The following NCOA4 variants were observed in gnomAD, a reference collection of about 807,000 sequenced individuals.
NCOA4 encodes nuclear receptor coactivator 4.
NCOA4 carries 31 observed loss-of-function variants against 69.5 expected under a neutral mutation model. The observed-to-expected ratio is 0.45, with a 90% CI of 0.34 to 0.60. The LOEUF (loss-of-function observed/expected upper bound fraction) is 0.60, where lower values mean the gene tolerates loss of function less well. NCOA4 is among the 20% of genes least tolerant of loss of function. NCOA4 has a pLI of 0.02. For missense variants in NCOA4, 600 were observed against 719.2 expected, an observed-to-expected ratio of 0.83 and a Z score of 1.90; for synonymous variants, 228 against 252.4, an observed-to-expected ratio of 0.90 and a Z score of 0.92.
intron 9 of NCOA4, 134 bp from the exon 10 acceptor site, chr10:46,006,731 T>C: frequency 1.2e-6 from 1 of 847,228 alleles, no homozygotes; most frequent in Non-Finnish European, 2.0e-6. Flanking sequence ...AAATTAAGCA[T>C]TTGTGTCATG....
intron 9 of NCOA4, among the ~76,000 whole-genome samples, chr10:46,008,251 C>G (rs1554920287): frequency 6.6e-6 from 1 of 152,228 alleles, no homozygotes; most frequent in East Asian, 1.9e-4. Context: ...AAGGCCCTAG[C>G]TACCTAGGTT....
chr10:46,018,402 G>A (rs1201209006), intron 1 of NCOA4, among the ~76,000 whole-genome samples: 1 of 152,102 alleles, frequency 6.6e-6, no homozygotes, highest in Non-Finnish European at 1.5e-5. Flanking sequence ...CAGTGTGCTG[G>A]GTCTGTGGGA....
At position 46,015,151 on chromosome 10, in the gene NCOA4, T is replaced by TG; in HGVS notation, c.256dup (p.Gln86ProfsTer46). 6.2e-7 allele frequency: 1 copy of TG among 1,614,228 alleles called. No homozygotes were observed. The highest frequency in any genetic ancestry group is 8.5e-7 in the Non-Finnish European group (1 of 1,180,038). On this transcript the variant is annotated frameshift_variant, in exon 3 of 10. Transcript: ENST00000581486. LOFTEE classifies it high-confidence loss of function. ...CGAGTAGAGCTGCTGAGCCTGCTGT[T>TG]GAAGTGTCTCCTCTTTAAGCTGATA... is the stretch of plus-strand genomic sequence containing the variant.
chr10:46,012,070 G>GAAAAAAAAAAA lies in NCOA4; in HGVS notation c.714+802_714+812dup, dbSNP rs71026286. Among the ~76,000 whole-genome samples the GAAAAAAAAAAA allele has an allele frequency of 1.4e-3, 61 of 44,530 alleles. 2 individuals carry two copies. Among genetic ancestry groups the GAAAAAAAAAAA allele is most frequent in the African/African-American group, 1.8e-3 (23 of 12,974 alleles). 29.2% of individuals were successfully genotyped at this position (44,530 alleles called of 152,430 possible). A position where few individuals can be genotyped will look rare whatever the true frequency, so the allele number is the denominator to read the frequency against. Reference sequence around the variant, plus strand: ...AGCAAGACTCGGTCTCAAAAAGAAAGAAAAAAAAAAAAAAAAAAAAAAAAA... The same window carrying GAAAAAAAAAAA: ...AGCAAGACTCGGTCTCAAAAAGAAAGAAAAAAAAAAAAAAAAAAAAAAAAAAAAAAAAAAAA... On this transcript the variant is annotated intron_variant, in intron 7 of 9. Transcript: ENST00000581486.
At chr10:46,029,722 C>A (rs1554926172) in intron 1 of NCOA4, among the ~76,000 whole-genome samples, 2 of 152,236 alleles carry the variant, frequency 1.3e-5, no homozygotes, top group African/African-American at 4.8e-5. Flanking sequence ...CATTCTACTT[C>A]TGCCATTCTT....
chr10:46,030,184 C>T (rs935575290), intron 1 of NCOA4, among the ~76,000 whole-genome samples: 62 of 152,124 alleles, frequency 4.1e-4, no homozygotes, highest in African/African-American at 1.4e-3. Context: ...CGGCGGGGAG[C>T]AGGAGGTGTC....
chr10:46,020,999 A>G (rs1295486132), intron 1 of NCOA4, among the ~76,000 whole-genome samples: 2 of 152,208 alleles, frequency 1.3e-5, no homozygotes, highest in Non-Finnish European at 2.9e-5. Context: ...GTAAAGGAGG[A>G]GGAAACACAC....
chr10:46,009,115 C>T, intron 9 of NCOA4: 1 of 1,525,142 alleles, frequency 6.6e-7, no homozygotes, highest in South Asian at 1.2e-5. Flanking sequence ...GGCCTGGAAC[C>T]AAACCCACCT....
intron 1 of NCOA4, among the ~76,000 whole-genome samples, chr10:46,025,053 G>T (rs145539068): frequency 9.8e-5 from 15 of 152,320 alleles, no homozygotes; most frequent in African/African-American, 3.4e-4. Context: ...TCCCATGACA[G>T]GCTGTCTGCA....
At chr10:46,025,728 C>T (rs1554925417) in intron 1 of NCOA4, among the ~76,000 whole-genome samples, 1 of 152,316 alleles carries the variant, frequency 6.6e-6, no homozygotes, top group Non-Finnish European at 1.5e-5. Context: ...TACTTTTGGC[C>T]AATAGAGTTG....
Position 46,014,469 on chromosome 10 carries a change from G to C in NCOA4, c.455C>G (p.Thr152Ser). ...ADTITLRQTI[T>S]TFGSLKTIQI... ...AATGGTTTTGAGAGACCCAAATGTG[G>C]TGATGGTCTGGCGCAGAGTAATTGT... Residue 152 changes from threonine to serine, a missense_variant, in exon 5 of 10, where the codon ACC becomes AGC. Coordinates refer to ENST00000581486, the MANE Select transcript of NCOA4 (RefSeq NM_001145263.2). The C allele has an allele frequency of 6.2e-7, 1 of 1,612,946 alleles. No homozygotes were observed. The highest frequency in any genetic ancestry group is 8.5e-7 in the Non-Finnish European group (1 of 1,178,956).
intron 1 of NCOA4, among the ~76,000 whole-genome samples, chr10:46,025,953 C>A (rs1554925452): frequency 6.6e-6 from 1 of 152,204 alleles, no homozygotes; most frequent in Non-Finnish European, 1.5e-5. Flanking sequence ...CGTTCACATT[C>A]TATGTGTGCC....
At chr10:46,014,257 T>G (rs1030019433) in intron 5 of NCOA4, among the ~76,000 whole-genome samples, 187 bp downstream of exon 5, 3 of 152,174 alleles carry the variant, frequency 2.0e-5, no homozygotes, top group African/African-American at 7.2e-5. Flanking sequence ...CCTCAAGTGA[T>G]CCGCCCTCCT....
intron 9 of NCOA4, among the ~76,000 whole-genome samples, chr10:46,008,370 T>C (rs1255710202): frequency 6.6e-6 from 1 of 152,170 alleles, no homozygotes; most frequent in Non-Finnish European, 1.5e-5. Context: ...ATATCAACAT[T>C]AACAGGAGTT....
rs782352032 is a variant in NCOA4, at chr10:46,010,215, A to T, written c.1698+8T>A. 2 of 1,583,726 alleles carry T rather than the reference A, an allele frequency of 1.3e-6. No homozygotes were observed. Among genetic ancestry groups the T allele is most frequent in the Non-Finnish European group, 1.7e-6 (2 of 1,170,208 alleles). ...TCAAACCAGTGCTATTTTGATGTTT[A>T]TGCTCACCTGGGCCTTCTTTCGAAG... is the stretch of plus-strand genomic sequence containing the variant. On this transcript the variant is annotated splice_region_variant and intron_variant, in intron 8 of 9. Transcript: ENST00000581486.
intron 1 of NCOA4, among the ~76,000 whole-genome samples, chr10:46,020,010 T>TG (rs782483811): frequency 6.6e-6 from 1 of 152,194 alleles, no homozygotes; most frequent in East Asian, 1.9e-4. Flanking sequence ...AAAGGAGCTA[T>TG]GCAAAGGCTT....
At chr10:46,011,747 A>C (rs1554921693) in intron 7 of NCOA4, among the ~76,000 whole-genome samples, 1 of 152,006 alleles carries the variant, frequency 6.6e-6, no homozygotes, top group African/African-American at 2.4e-5. Flanking sequence ...GTCATCAAAG[A>C]AGCCTAATAA....
chr10:46,012,090 A>T (rs1839260347), intron 7 of NCOA4, among the ~76,000 whole-genome samples: 1 of 147,362 alleles, frequency 6.8e-6, no homozygotes, highest in Non-Finnish European at 1.5e-5. Context: ...AAAAAAAAAA[A>T]AAAAAAAAAA....
chr10:46,015,712 G>GAC (rs1214836541), intron 2 of NCOA4, among the ~76,000 whole-genome samples: 3 of 152,126 alleles, frequency 2.0e-5, no homozygotes, highest in African/African-American at 7.2e-5. Context: ...GCAGAATAAA[G>GAC]ACAGAGTATT....
Sources: gnomAD v4.1 joint callset for allele counts (sites outside exome capture counted in the v4.1 genomes callset) on GRCh38, gnomAD v4.1.1 for gene constraint, MANE v1.5 for transcripts, NCBI Gene and HGNC (gene_info 2026-07-23, HGNC 2026-07-21) for gene names.